The following CFAP54 variants were observed in gnomAD, a reference collection of about 807,000 sequenced individuals.
CFAP54 encodes cilia and flagella associated protein 54.
CFAP54 carries 290 observed loss-of-function variants against 370.4 expected under a neutral mutation model. The ratio of observed to expected loss-of-function variants is 0.78; its 90% CI spans 0.71 to 0.86. The LOEUF (loss-of-function observed/expected upper bound fraction) is 0.86. Among genes scored for constraint, CFAP54 ranks in the 40% least tolerant of loss-of-function variants. The probability of loss-of-function intolerance (pLI) is 0.00; values close to 1 mark genes in which losing one functional copy is unlikely to be tolerated. For synonymous variants in CFAP54, 1,206 were observed against 1,236.5 expected, an observed-to-expected ratio of 0.98 and a Z score of 0.52; for missense variants, 3,399 against 3,528.7, an observed-to-expected ratio of 0.96 and a Z score of 0.93.
intron 26 of CFAP54, among the ~76,000 whole-genome samples, chr12:96,614,260 A>G (rs981928612): frequency 1.3e-5 from 2 of 152,216 alleles, no homozygotes; most frequent in Non-Finnish European, 2.9e-5. Flanking sequence ...CAAAGACAAA[A>G]ATCACATGAT....
intron 48 of CFAP54, among the ~76,000 whole-genome samples, chr12:96,710,780 C>T (rs1957603097): frequency 6.6e-6 from 1 of 152,120 alleles, no homozygotes; most frequent in Admixed American, 6.5e-5. Context: ...CTGCCTCAGT[C>T]TCCTGGGTAA....
chr12:96,518,577 T>A (rs1955266284), intron 5 of CFAP54, among the ~76,000 whole-genome samples: 1 of 152,080 alleles, frequency 6.6e-6, no homozygotes, highest in Non-Finnish European at 1.5e-5. Flanking sequence ...TTCCAGTTAC[T>A]TAGGAGGCTG....
At chr12:96,802,244 T>G (rs902024244) in intron 63 of CFAP54, among the ~76,000 whole-genome samples, 2 of 152,026 alleles carry the variant, frequency 1.3e-5, no homozygotes, top group African/African-American at 4.8e-5. Context: ...ACTGCATACC[T>G]CACAGATTCT....
intron 2 of CFAP54, 195 bp downstream of exon 2, chr12:96,501,134 C>T: frequency 2.2e-6 from 1 of 451,466 alleles, no homozygotes; most frequent in Non-Finnish European, 4.0e-6. Flanking sequence ...TGAGATTTCC[C>T]AGAGGTGAGA....
At chr12:96,591,695 C>T (rs1454535371) in intron 23 of CFAP54, among the ~76,000 whole-genome samples, 1 of 151,982 alleles carries the variant, frequency 6.6e-6, no homozygotes, top group African/African-American at 2.4e-5. Context: ...CGAGACCATC[C>T]TGGCTAACAC....
chr12:96,817,823 A>G lies in CFAP54; in HGVS notation c.9006A>G (p.Glu3002=), dbSNP rs1958994448. 2 of 1,515,474 alleles carry G rather than the reference A, an allele frequency of 1.3e-6. No homozygotes were observed. Among genetic ancestry groups the G allele is most frequent in the African/African-American group, 2.8e-5 (2 of 72,366 alleles). 93.9% of individuals were successfully genotyped at this position (1,515,474 alleles called of 1,614,324 possible). ...EKLSNLAQIA[E]LSLPAAPEIT... is the part of the protein sequence containing the mutation. Reference sequence around the variant, plus strand: ...TATCTAATCTTGCTCAAATAGCTGAACTATCATTGCCAGCAGCTCCTGAAA... The same window carrying G: ...TATCTAATCTTGCTCAAATAGCTGAGCTATCATTGCCAGCAGCTCCTGAAA... Residue 3002 remains glutamate, a synonymous_variant, in exon 65 of 68, where the codon GAA becomes GAG. Coordinates refer to ENST00000524981, the MANE Select transcript of CFAP54 (RefSeq NM_001306084.2).
intron 39 of CFAP54, among the ~76,000 whole-genome samples, chr12:96,674,883 T>C (rs1423730532): frequency 2.6e-5 from 4 of 152,184 alleles, no homozygotes; most frequent in African/African-American, 9.6e-5. Context: ...TGGCTAGCCA[T>C]ATGTAGAAAG....
intron 26 of CFAP54, among the ~76,000 whole-genome samples, chr12:96,599,895 C>G (rs1443945047): frequency 2.6e-5 from 4 of 152,090 alleles, no homozygotes; most frequent in Non-Finnish European, 5.9e-5. Flanking sequence ...TTTGTAGATT[C>G]TAGATATTAG....
At chr12:96,580,791 G>T in intron 21 of CFAP54, 102 bp downstream of exon 21, 1 of 1,104,690 alleles carries the variant, frequency 9.1e-7, no homozygotes, top group South Asian at 2.0e-5. Flanking sequence ...ATTTCCACCT[G>T]AATCATAACT....
At chr12:96,695,528 GA>G (rs1957432554) in intron 45 of CFAP54, among the ~76,000 whole-genome samples, 2 of 152,090 alleles carry the variant, frequency 1.3e-5, no homozygotes, top group Non-Finnish European at 2.9e-5. Context: ...TCTTGCTTTT[GA>G]ATTCCAACAC....
chr12:96,599,748 C>T (rs1389288639), intron 26 of CFAP54, among the ~76,000 whole-genome samples: 1 of 152,230 alleles, frequency 6.6e-6, no homozygotes, highest in African/African-American at 2.4e-5. Context: ...TTGCATTTCT[C>T]TGATGACCAG....
intron 4 of CFAP54, among the ~76,000 whole-genome samples, chr12:96,511,374 A>G (rs1187100497): frequency 1.3e-5 from 2 of 152,180 alleles, no homozygotes; most frequent in East Asian, 3.8e-4. Flanking sequence ...GCTGCAGTGC[A>G]ATGGCGCAAT....
intron 1 of CFAP54, among the ~76,000 whole-genome samples, chr12:96,494,382 C>T (rs1954924389): frequency 6.6e-6 from 1 of 152,004 alleles, no homozygotes; most frequent in Non-Finnish European, 1.5e-5. Flanking sequence ...CTCACTGCAA[C>T]CTCCGCCTCC....
intron 1 of CFAP54, among the ~76,000 whole-genome samples, chr12:96,492,025 G>T (rs117262073): frequency 0.017 from 2,652 of 152,200 alleles, 42 homozygotes; most frequent in Non-Finnish European, 0.031. Flanking sequence ...CTCCAAGATT[G>T]CTGAGGTTAC....
intron 5 of CFAP54, among the ~76,000 whole-genome samples, chr12:96,517,587 G>T (rs775707096): frequency 6.6e-6 from 1 of 152,172 alleles, no homozygotes; most frequent in African/African-American, 2.4e-5. Context: ...AGAAAAATTC[G>T]AGGGTTTTTG....
intron 5 of CFAP54, among the ~76,000 whole-genome samples, chr12:96,518,284 A>G (rs144996879): frequency 6.6e-6 from 1 of 152,322 alleles, no homozygotes; most frequent in African/African-American, 2.4e-5. Context: ...AATCTTCAGA[A>G]TCATATACTG....
At chr12:96,493,301 G>C (rs1050544938) in intron 1 of CFAP54, among the ~76,000 whole-genome samples, 3 of 152,236 alleles carry the variant, frequency 2.0e-5, no homozygotes, top group Non-Finnish European at 4.4e-5. Flanking sequence ...ATAGTCTAGA[G>C]AGGGAGATAG....
chr12:96,738,901 C>T (rs1324094072), intron 50 of CFAP54, among the ~76,000 whole-genome samples: 1 of 152,206 alleles, frequency 6.6e-6, no homozygotes, highest in Non-Finnish European at 1.5e-5. Flanking sequence ...TGAGCCACTG[C>T]ACCCGGCCCA....
At chr12:96,802,202 T>C (rs1958827304) in intron 63 of CFAP54, among the ~76,000 whole-genome samples, 1 of 152,076 alleles carries the variant, frequency 6.6e-6, no homozygotes, top group Non-Finnish European at 1.5e-5. Context: ...ACCACCCTGC[T>C]ACAGCCTGCG....
Sources: allele counts gnomAD v4.1 joint callset (sites outside exome capture counted in the v4.1 genomes callset), GRCh38; gene constraint gnomAD v4.1.1; transcripts MANE v1.5; gene names NCBI Gene and HGNC (gene_info 2026-07-23, HGNC 2026-07-21).